Variants in NBPF11 observed in about 807,000 individuals in gnomAD.
The protein encoded by NBPF11 is NBPF member 11, also known as NBPF family member NBPF11.
A neutral mutation model predicts 93.9 loss-of-function variants in NBPF11; 72 were observed. The ratio of observed to expected loss-of-function variants is 0.77; its 90% confidence interval spans 0.63 to 0.93. NBPF11 has a LOEUF of 0.93. NBPF11 is among the 40% of genes least tolerant of loss of function. The pLI, the probability that NBPF11 is intolerant of heterozygous loss-of-function variation, is 0.00. For synonymous variants in NBPF11, 224 were observed against 304.9 expected (o/e 0.73, Z 2.76); for missense variants, 705 against 802.2 (o/e 0.88, Z 1.46).
intron 4 of NBPF11, among the ~76,000 whole-genome samples, chr1:148,134,698 CCTTT>C (rs1265004456): frequency 6.6e-6 from 1 of 151,684 alleles, no homozygotes; most frequent in Non-Finnish European, 1.5e-5. Flanking sequence ...TTATTTCATG[CCTTT>C]CTAATTTGAC....
chr1:148,119,326 G>A (rs1426279774), intron 10 of NBPF11, among the ~76,000 whole-genome samples: 1 of 152,012 alleles, frequency 6.6e-6, no homozygotes, highest in Non-Finnish European at 1.5e-5. Context: ...ACAGCAGAAT[G>A]AAGAACTAAT....
chr1:148,114,833 T>C (rs1468751730), intron 14 of NBPF11, among the ~76,000 whole-genome samples: 1 of 151,068 alleles, frequency 6.6e-6, no homozygotes, highest in East Asian at 1.9e-4. Flanking sequence ...CCAGGTAACA[T>C]GGACATTAAA....
At position 148,102,410 on chromosome 1, in the gene NBPF11, C is replaced by T. The variant is rs1490265603; in HGVS notation, c.*1486G>A. The T allele has an allele frequency of 2.0e-5, 3 of 151,722 alleles. No individual in the cohort carries two copies. The highest frequency in any genetic ancestry group is 2.9e-5 in the Non-Finnish European group (2 of 68,020). 9.4% of individuals were successfully genotyped at this position (151,722 alleles called of 1,614,324 possible). On this transcript the variant is annotated 3_prime_UTR_variant, in exon 24 of 24. Coordinates refer to ENST00000682118, the MANE Select transcript of NBPF11 (RefSeq NM_001385469.3). Reference sequence around the variant, plus strand: ...ATTTATACTCTTGAAAACCACTTTCCCAAGTACTTCATTATAAGTAAGGTG... The same window carrying T: ...ATTTATACTCTTGAAAACCACTTTCTCAAGTACTTCATTATAAGTAAGGTG...
At chr1:148,146,900 C>G in intron 1 of NBPF11, 1 of 1,612,808 alleles carries the variant, frequency 6.2e-7, no homozygotes, top group South Asian at 1.1e-5. Context: ...ATCGACGCCA[C>G]CTGGCAGGCC....
Position 148,146,164 on chromosome 1 carries a change from C to T in NBPF11, c.-548-2478G>A, listed in dbSNP as rs1273630584. Reference sequence around the variant, plus strand: ...GGGGGCGCGGGCCGGGGTGGGCTTCCCACGGCACGACATGGAGACCTGTGG... The same window carrying T: ...GGGGGCGCGGGCCGGGGTGGGCTTCTCACGGCACGACATGGAGACCTGTGG... On this transcript the variant is annotated intron_variant, in intron 1 of 23. Coordinates refer to ENST00000682118, the MANE Select transcript of NBPF11 (RefSeq NM_001385469.3). Among the ~76,000 whole-genome samples the T allele has an allele frequency of 7.5e-4, 114 of 151,768 alleles. 1 individual carries two copies. The highest frequency in any genetic ancestry group is 2.7e-3 in the African/African-American group (110 of 41,328).
intron 2 of NBPF11, among the ~76,000 whole-genome samples, chr1:148,140,971 G>T (rs1305578129): frequency 3.3e-5 from 5 of 152,018 alleles, no homozygotes; most frequent in East Asian, 1.9e-4. Context: ...TCTGATTCAG[G>T]GATTTTACAA....
chr1:148,118,228 G>A (rs1459778860), intron 11 of NBPF11, among the ~76,000 whole-genome samples: 1 of 151,256 alleles, frequency 6.6e-6, no homozygotes, highest in African/African-American at 2.4e-5. Context: ...GGTCGAGAAG[G>A]CAACATTGAT....
chr1:148,121,029 A>T (rs1278487196), intron 9 of NBPF11, among the ~76,000 whole-genome samples: 11 of 151,720 alleles, frequency 7.3e-5, no homozygotes, highest in Non-Finnish European at 1.3e-4. Flanking sequence ...TGCTTTTTAA[A>T]TTTTTTCCTT....
chr1:148,139,882 C>T (rs1671904974), intron 2 of NBPF11, among the ~76,000 whole-genome samples: 1 of 149,144 alleles, frequency 6.7e-6, no homozygotes, highest in Non-Finnish European at 1.5e-5. Context: ...TGAGGGTAGC[C>T]TGGCTAGAAC....
At chr1:148,111,245 T>C (rs1355767910) in intron 15 of NBPF11, among the ~76,000 whole-genome samples, 5 of 152,090 alleles carry the variant, frequency 3.3e-5, no homozygotes, top group Admixed American at 1.3e-4. Flanking sequence ...ACCCCATCTG[T>C]AGGTCACCAT....
intron 1 of NBPF11, among the ~76,000 whole-genome samples, chr1:148,147,500 C>T (rs1156335369): frequency 2.0e-5 from 3 of 151,984 alleles, no homozygotes; most frequent in Non-Finnish European, 4.4e-5. Flanking sequence ...TGCCTGGGCC[C>T]TTCACCGGTG....
At chr1:148,151,171 C>T (rs1267681974) in intron 1 of NBPF11, among the ~76,000 whole-genome samples, 1 of 151,892 alleles carries the variant, frequency 6.6e-6, no homozygotes, top group African/African-American at 2.4e-5. Context: ...ACCAACACCA[C>T]AGTCCAACCT....
Position 148,149,612 on chromosome 1 carries a change from A to C in NBPF11, c.-549+2138T>G. 5.1e-6 allele frequency: 8 copies of C among 1,563,158 alleles called. No individual in the cohort carries two copies. The South Asian group carries it at 8.9e-5, about 17-fold the overall frequency. Reference sequence around the variant, plus strand: ...ACCTCAGCAATAAGGCGGCCCCCGGACCTCACCCCGCGCCGGCCCCCACCC... The same window carrying C: ...ACCTCAGCAATAAGGCGGCCCCCGGCCCTCACCCCGCGCCGGCCCCCACCC... On this transcript the variant is annotated intron_variant, in intron 1 of 23. Transcript: ENST00000682118.
In NBPF11 at chr1:148,141,633, C is replaced by A. The variant is rs1175321928; in HGVS notation, c.-277+1782G>T. 3.6e-4 allele frequency among the ~76,000 whole-genome samples: 55 copies of A among 151,940 alleles called. No individual in the cohort carries two copies. The East Asian group carries it at 8.7e-3, about 24-fold the overall frequency. Reference sequence around the variant, plus strand: ...CATTTACCTCTAACCCTGGGGTGCCCCCGGAACACAGCTAGCAGATCAGTT... The same window carrying A: ...CATTTACCTCTAACCCTGGGGTGCCACCGGAACACAGCTAGCAGATCAGTT... On this transcript the variant is annotated intron_variant, in intron 2 of 23. Transcript: ENST00000682118.
chr1:148,123,706 T>C, intron 7 of NBPF11, 147 bp downstream of exon 7: 9 of 1,505,630 alleles, frequency 6.0e-6, no homozygotes, highest in Non-Finnish European at 8.2e-6. Flanking sequence ...ATTTCTGTTC[T>C]TACTCAGGAA....
intron 2 of NBPF11, among the ~76,000 whole-genome samples, chr1:148,138,036 A>G (rs1405662472): frequency 1.3e-5 from 2 of 151,126 alleles, no homozygotes; most frequent in African/African-American, 2.5e-5. Context: ...GCGTTTCCGG[A>G]GAGGGGGATG....
At chr1:148,135,920 T>C in intron 3 of NBPF11, 107 bp from the exon 4 acceptor site, 1 of 778,220 alleles carries the variant, frequency 1.3e-6, no homozygotes, top group South Asian at 1.5e-5. Context: ...CTGTGTGGCC[T>C]GAGAGAAGCT....
At chr1:148,111,933 C>T (rs1417313074) in intron 15 of NBPF11, among the ~76,000 whole-genome samples, 5 of 150,370 alleles carry the variant, frequency 3.3e-5, no homozygotes, top group African/African-American at 1.2e-4. Flanking sequence ...GAAGAGCAAC[C>T]CCAGGACACA....
intron 1 of NBPF11, chr1:148,146,276 G>T (rs1300609828): frequency 3.9e-6 from 5 of 1,288,092 alleles, no homozygotes; most frequent in South Asian, 1.8e-5. Context: ...GCGGTAGCTG[G>T]GGGGGCGCTC....
Sources: allele counts gnomAD v4.1 joint callset (sites outside exome capture counted in the v4.1 genomes callset), GRCh38; gene constraint gnomAD v4.1.1; transcripts MANE v1.5; gene names NCBI Gene and HGNC (gene_info 2026-07-23, HGNC 2026-07-21).